LDLRAD4: variants seen among roughly 807,000 people sequenced by gnomAD.
LDLRAD4 encodes low density lipoprotein receptor class A domain containing 4.
A neutral mutation model predicts 17.0 loss-of-function variants in LDLRAD4; 5 were observed. The ratio of observed to expected loss-of-function variants is 0.29; its 90% CI spans 0.15 to 0.62. The LOEUF (loss-of-function observed/expected upper bound fraction) is 0.62, where lower values mean the gene tolerates loss of function less well. Ranked by LOEUF, LDLRAD4 falls within the 20% of genes least tolerant of loss-of-function variation. The pLI, the probability that LDLRAD4 is intolerant of heterozygous loss-of-function variation, is 0.84. For synonymous variants in LDLRAD4, 168 were observed against 171.8 expected, an observed-to-expected ratio of 0.98 and a Z score of 0.17; for missense variants, 340 against 424.7, an observed-to-expected ratio of 0.80 and a Z score of 1.75.
intron 2 of LDLRAD4, among the ~76,000 whole-genome samples, chr18:13,422,036 T>C (rs548744600): frequency 6.6e-6 from 1 of 152,238 alleles, no homozygotes; most frequent in East Asian, 1.9e-4. Flanking sequence ...AGGAGCTCTG[T>C]TTCAAATACG....
chr18:13,541,177 A>G (rs549657482), intron 3 of LDLRAD4, among the ~76,000 whole-genome samples: 1 of 152,330 alleles, frequency 6.6e-6, no homozygotes, highest in South Asian at 2.1e-4. Flanking sequence ...ATTGGAGGAA[A>G]ACGCAACAAA....
chr18:13,252,720 T>C (rs2043289519), intron 1 of LDLRAD4, among the ~76,000 whole-genome samples: 1 of 152,180 alleles, frequency 6.6e-6, no homozygotes, highest in Non-Finnish European at 1.5e-5. Context: ...ATGAAGATGC[T>C]CTTTGCTTCT....
At chr18:13,260,864 T>C (rs1054254094) in intron 1 of LDLRAD4, among the ~76,000 whole-genome samples, 1 of 152,234 alleles carries the variant, frequency 6.6e-6, no homozygotes, top group African/African-American at 2.4e-5. Flanking sequence ...CCATGGCACC[T>C]AGAAACCAAC....
At chr18:13,514,869 C>T (rs1382098120) in intron 3 of LDLRAD4, 4 of 152,228 alleles carry the variant, frequency 2.6e-5, no homozygotes, top group Non-Finnish European at 5.9e-5. Flanking sequence ...CTCAAACCCA[C>T]CCTACACTAT....
intron 1 of LDLRAD4, among the ~76,000 whole-genome samples, chr18:13,255,720 C>G (rs2043467753): frequency 6.6e-6 from 1 of 152,010 alleles, no homozygotes; most frequent in African/African-American, 2.4e-5. Flanking sequence ...AGCGTTGAGG[C>G]CCTAGGGACG....
At chr18:13,612,394 G>A in intron 3 of LDLRAD4, 1 of 1,199,190 alleles carries the variant, frequency 8.3e-7, no homozygotes, top group Non-Finnish European at 1.0e-6. Context: ...GACACGGCCG[G>A]CTTCCTGCCG....
intron 1 of LDLRAD4, among the ~76,000 whole-genome samples, chr18:13,296,340 G>A (rs367976957): frequency 2.6e-5 from 4 of 152,196 alleles, no homozygotes; most frequent in South Asian, 4.2e-4. Flanking sequence ...ACCACAGACC[G>A]GGTGACTTAA....
intron 1 of LDLRAD4, among the ~76,000 whole-genome samples, chr18:13,380,007 T>TGCCCGC (rs2085229462): frequency 1.7e-5 from 1 of 59,482 alleles, no homozygotes; most frequent in African/African-American, 5.7e-5. Context: ...CCCCTGCCCG[T>TGCCCGC]CAGCCCGAGC....
intron 3 of LDLRAD4, among the ~76,000 whole-genome samples, chr18:13,446,211 C>A (rs145303248): frequency 6.6e-6 from 1 of 152,228 alleles, no homozygotes; most frequent in Non-Finnish European, 1.5e-5. Flanking sequence ...GCGCTCAGGG[C>A]GGTGGGGTGA....
intron 3 of LDLRAD4, among the ~76,000 whole-genome samples, chr18:13,545,202 A>G (rs2094343902): frequency 6.6e-6 from 1 of 151,674 alleles, no homozygotes; most frequent in Non-Finnish European, 1.5e-5. Context: ...TGGCTCCAGG[A>G]CTCTGAAGGG....
intron 1 of LDLRAD4, among the ~76,000 whole-genome samples, chr18:13,260,371 A>G (rs1043442252): frequency 2.6e-4 from 39 of 152,212 alleles, no homozygotes; most frequent in African/African-American, 8.7e-4. Flanking sequence ...GGGTCTGGAA[A>G]TCTGGCTTTG....
At chr18:13,336,864 G>A (rs2082127240) in intron 1 of LDLRAD4, among the ~76,000 whole-genome samples, 1 of 152,054 alleles carries the variant, frequency 6.6e-6, no homozygotes, top group Non-Finnish European at 1.5e-5. Flanking sequence ...TTTGGTCACA[G>A]CTTTCATCTA....
chr18:13,383,801 C>A (rs540545296), intron 1 of LDLRAD4, among the ~76,000 whole-genome samples: 1 of 152,186 alleles, frequency 6.6e-6, no homozygotes, highest in African/African-American at 2.4e-5. Context: ...GGGTTCTGGC[C>A]CCTTCTGGGT....
intron 3 of LDLRAD4, among the ~76,000 whole-genome samples, chr18:13,543,981 C>T (rs112409713): frequency 2.6e-5 from 4 of 152,384 alleles, no homozygotes; most frequent in African/African-American, 7.2e-5. Context: ...CTGCCCCGAA[C>T]GTGCAGGCCC....
rs2080961010 is a variant in LDLRAD4, at chr18:13,316,859, G to C, written c.-383+38671G>C. Among the ~76,000 whole-genome samples the C allele has an allele frequency of 2.0e-5, 3 of 152,166 alleles. No individual in the cohort carries two copies. The South Asian group carries it at 6.2e-4, about 32-fold the overall frequency. ...GTGAATCCAAAAGAAAGTAAGAAGG[G>C]AGAGATGTACAAACCAAACAGATGG... On this transcript the variant is annotated intron_variant, in intron 1 of 5. Coordinates refer to ENST00000359446, the Ensembl canonical transcript of LDLRAD4.
chr18:13,299,802 A>T (rs56398323), intron 1 of LDLRAD4, among the ~76,000 whole-genome samples: 1 of 151,936 alleles, frequency 6.6e-6, no homozygotes, highest in African/African-American at 2.4e-5. Flanking sequence ...TGATCATGCC[A>T]CTTACCCTCC....
Position 13,621,360 on chromosome 18 carries a change from A to G in LDLRAD4, c.336+89A>G. The G allele has an allele frequency of 2.9e-6, 3 of 1,019,424 alleles. No individual in the cohort carries two copies. Among genetic ancestry groups the G allele is most frequent in the Non-Finnish European group, 4.5e-6 (3 of 667,340 alleles). 63.1% of individuals were successfully genotyped at this position (1,019,424 alleles called of 1,614,324 possible). ...GGGTTCAGAGGCCGGGAGTGCTTTC[A>G]GTTGACATGTAACAAACGGGGCGAA... On this transcript the variant is annotated intron_variant, in intron 4 of 5. Coordinates refer to ENST00000359446, the Ensembl canonical transcript of LDLRAD4. This position sits in a 1 kb window ranked among gnomAD's most constrained non-coding sequence, Gnocchi z 5.5.
At chr18:13,396,120 T>C (rs1248049870) in intron 2 of LDLRAD4, among the ~76,000 whole-genome samples, 1 of 152,240 alleles carries the variant, frequency 6.6e-6, no homozygotes, top group Non-Finnish European at 1.5e-5. Flanking sequence ...TTAAAATTTT[T>C]TAACCAATAA....
At chr18:13,527,396 G>C (rs1181349006) in intron 3 of LDLRAD4, among the ~76,000 whole-genome samples, 1 of 152,236 alleles carries the variant, frequency 6.6e-6, no homozygotes, top group East Asian at 1.9e-4. Context: ...ACTTGGGTTT[G>C]CTGGCCTTCT....
Sources: allele counts gnomAD v4.1 joint callset (sites outside exome capture counted in the v4.1 genomes callset), GRCh38; gene constraint gnomAD v4.1.1; non-coding constraint Gnocchi (gnomAD v3.1); transcripts MANE v1.5; gene names NCBI Gene and HGNC (gene_info 2026-07-23, HGNC 2026-07-21).